The following TNFAIP6 variants were observed in gnomAD, a reference collection of about 807,000 sequenced individuals.
The protein encoded by TNFAIP6 is tumor necrosis factor-inducible gene 6 protein.
A neutral mutation model predicts 33.7 loss-of-function variants in TNFAIP6; 36 were observed. The observed-to-expected ratio is 1.07, with a 90% CI of 0.82 to 1.41. TNFAIP6 has a LOEUF of 1.41. TNFAIP6 is among the 40% of genes most tolerant of loss of function. The probability of loss-of-function intolerance (pLI) is 0.00; values close to 1 mark genes in which losing one functional copy is unlikely to be tolerated. For synonymous variants in TNFAIP6, 113 were observed against 112.8 expected, an observed-to-expected ratio of 1.00 and a Z score of -0.01; for missense variants, 273 against 331.9, an observed-to-expected ratio of 0.82 and a Z score of 1.38.
intron 3 of TNFAIP6, 146 bp from the exon 4 acceptor site, chr2:151,369,874 C>T (rs1252373427): frequency 3.5e-6 from 2 of 571,218 alleles, no homozygotes; most frequent in African/African-American, 1.9e-5. Flanking sequence ...TAGCTAAAAG[C>T]ATACATAATA....
Position 151,379,580 on chromosome 2 carries a change from C to A in TNFAIP6, c.*47C>A. ...AAACACACAGTGTTTATGTTGGAAT[C>A]TTTTGGAACTCCTTTGATCTCACTG... On this transcript the variant is annotated 3_prime_UTR_variant, in exon 6 of 6. Transcript: ENST00000243347. The A allele has an allele frequency of 7.6e-7, 1 of 1,318,010 alleles. No homozygotes were observed. The highest frequency in any genetic ancestry group is 1.0e-6 in the Non-Finnish European group (1 of 983,562). The allele number at this position is 1,318,010 out of a possible 1,614,324, so 81.6% of individuals were successfully genotyped here.
Position 151,379,734 on chromosome 2 carries a change from C to T in TNFAIP6, c.*201C>T. The T allele has an allele frequency of 2.8e-6, 1 of 362,874 alleles. No homozygotes were observed. 22.5% of individuals were successfully genotyped at this position (362,874 alleles called of 1,614,324 possible). On this transcript the variant is annotated 3_prime_UTR_variant, in exon 6 of 6. Coordinates refer to ENST00000243347, the MANE Select transcript of TNFAIP6 (RefSeq NM_007115.4). ...TCATAATCCCACTGCATAGAAATAACAAGCGTTAACATTTTCATATTTTTT... is the reference window on the plus strand; with the variant it reads ...TCATAATCCCACTGCATAGAAATAATAAGCGTTAACATTTTCATATTTTTT...
At chr2:151,376,865 C>CTTTTTTTTTTTTTTTTTTTTTTTTT (rs71403162) in intron 5 of TNFAIP6, among the ~76,000 whole-genome samples, 1 of 114,162 alleles carries the variant, frequency 8.8e-6, no homozygotes, top group Admixed American at 9.9e-5. Flanking sequence ...TTTTTCTTTT[C>CTTTTTTTTTTTTTTTTTTTTTTTTT]TTTTTTTTTT....
intron 1 of TNFAIP6, among the ~76,000 whole-genome samples, chr2:151,363,352 G>T (rs113089339): frequency 0.05 from 7,474 of 150,644 alleles, 254 homozygotes; most frequent in Middle Eastern, 0.12. Context: ...TTTATTTCAG[G>T]CTATCGATCA....
chr2:151,362,770 G>A (rs927086826), intron 1 of TNFAIP6, among the ~76,000 whole-genome samples: 2 of 152,104 alleles, frequency 1.3e-5, no homozygotes, highest in Non-Finnish European at 2.9e-5. Flanking sequence ...GATTATAGGC[G>A]TGAGCCACCA....
intron 5 of TNFAIP6, among the ~76,000 whole-genome samples, chr2:151,375,512 T>C (rs568153873): frequency 6.6e-6 from 1 of 152,176 alleles, no homozygotes; most frequent in African/African-American, 2.4e-5. Context: ...ATCGAGACCA[T>C]CCTGGCTAAC....
At chr2:151,370,443 CT>C (rs1224822465) in intron 4 of TNFAIP6, among the ~76,000 whole-genome samples, 195 bp downstream of exon 4, 5 of 150,128 alleles carry the variant, frequency 3.3e-5, no homozygotes, top group Non-Finnish European at 7.4e-5. Flanking sequence ...GTGAGAGTGC[CT>C]TTTGATTATG....
chr2:151,373,669 G>T, intron 5 of TNFAIP6, 80 bp downstream of exon 5: 1 of 643,176 alleles, frequency 1.6e-6, no homozygotes, highest in Non-Finnish European at 2.4e-6. Context: ...CTGTTAAATA[G>T]TAAATAGTAG....
chr2:151,374,803 G>A (rs1431484473), intron 5 of TNFAIP6, among the ~76,000 whole-genome samples: 1 of 152,094 alleles, frequency 6.6e-6, no homozygotes, highest in Non-Finnish European at 1.5e-5. Context: ...GTAGTTGGGG[G>A]ATGAGAATCC....
intron 5 of TNFAIP6, among the ~76,000 whole-genome samples, chr2:151,376,311 G>A (rs1171203918): frequency 1.3e-5 from 2 of 151,638 alleles, no homozygotes; most frequent in Non-Finnish European, 1.5e-5. Context: ...CCAGCTACTC[G>A]GGAGGCTGAG....
chr2:151,362,225 A>G (rs1052212132), intron 1 of TNFAIP6, among the ~76,000 whole-genome samples: 1 of 152,144 alleles, frequency 6.6e-6, no homozygotes, highest in South Asian at 2.1e-4. Flanking sequence ...AGGGACTCCA[A>G]ACTCAAAACA....
At chr2:151,370,584 A>G (rs1467842180) in intron 4 of TNFAIP6, among the ~76,000 whole-genome samples, 1 of 152,204 alleles carries the variant, frequency 6.6e-6, no homozygotes, top group Non-Finnish European at 1.5e-5. Flanking sequence ...TCTATTTTAT[A>G]AACACCTCAA....
Position 151,370,231 on chromosome 2 carries a change from C to A in TNFAIP6, c.606C>A (p.Val202=). 6.2e-7 allele frequency: 1 copy of A among 1,613,780 alleles called. No homozygotes were observed. The highest frequency in any genetic ancestry group is 1.7e-5 in the Admixed American group (1 of 60,000). Residue 202 remains valine, a synonymous_variant, in exon 4 of 6, where the codon GTC becomes GTA. Coordinates refer to ENST00000243347, the MANE Select transcript of TNFAIP6 (RefSeq NM_007115.4). ...AAATATATGACAGTTACGATGATGT[C>A]CATGGCTTTGTGGGAAGGTACGTAT... ...YVEIYDSYDD[V]HGFVGRYCGD... is the part of the protein sequence containing the mutation.
At chr2:151,374,643 T>C (rs1383611832) in intron 5 of TNFAIP6, among the ~76,000 whole-genome samples, 1 of 152,240 alleles carries the variant, frequency 6.6e-6, no homozygotes, top group Non-Finnish European at 1.5e-5. Context: ...TGATTAATGC[T>C]TAAACCTTGT....
intron 1 of TNFAIP6, among the ~76,000 whole-genome samples, chr2:151,362,060 C>T (rs1294449039): frequency 1.3e-5 from 2 of 152,114 alleles, no homozygotes; most frequent in African/African-American, 2.4e-5. Context: ...TATGTATGTC[C>T]TCACTGCAAA....
rs1558898879 is a variant in TNFAIP6, at chr2:151,366,212, C to T, written c.389C>T (p.Pro130Leu). ...AGATGGGATGCCTATTGCTACAACC[C>T]ACACGGTGTGTTAAAAATAATAATT... ...SERWDAYCYN[P>L]HAKECGGVFT... is the part of the protein sequence containing the mutation. Residue 130 changes from proline (P) to leucine (L), a missense_variant, in exon 3 of 6, where the codon CCA becomes CTA. Coordinates refer to ENST00000243347, the MANE Select transcript of TNFAIP6 (RefSeq NM_007115.4). 1 of 1,613,598 alleles carries T rather than the reference C, an allele frequency of 6.2e-7. No homozygotes were observed. Among genetic ancestry groups the T allele is most frequent in the Non-Finnish European group, 8.5e-7 (1 of 1,179,698 alleles).
chr2:151,374,985 C>A (rs1010822508), intron 5 of TNFAIP6, among the ~76,000 whole-genome samples: 4 of 151,954 alleles, frequency 2.6e-5, no homozygotes, highest in African/African-American at 9.7e-5. Context: ...ATTAGCCAGG[C>A]GTGGAGGCAC....
intron 5 of TNFAIP6, among the ~76,000 whole-genome samples, chr2:151,378,814 A>G (rs1412734467): frequency 6.6e-6 from 1 of 151,010 alleles, no homozygotes; most frequent in Non-Finnish European, 1.5e-5. Context: ...AATACAAGAG[A>G]GAGGCCAACT....
In TNFAIP6 at chr2:151,363,996, A is replaced by G. The variant is rs75961064; in HGVS notation, c.148A>G (p.Thr50Ala). The G allele has an allele frequency of 0.015, 24,668 of 1,614,052 alleles. 251 individuals carry two copies. The highest frequency in any genetic ancestry group is 0.017 in the Non-Finnish European group (19,615 of 1,179,970). ...AGCACGGTCTGGCAAATACAAGCTC[A>G]CCTACGCAGAAGCTAAGGCGGTGTG... is the stretch of plus-strand genomic sequence containing the variant. ...REARSGKYKL[T>A]YAEAKAVCEF... Residue 50 changes from threonine to alanine, a missense_variant, in exon 2 of 6, where the codon ACC (threonine) becomes GCC (alanine). Coordinates refer to ENST00000243347, the MANE Select transcript of TNFAIP6 (RefSeq NM_007115.4).
Sources: gnomAD v4.1 joint callset for allele counts (sites outside exome capture counted in the v4.1 genomes callset) on GRCh38, gnomAD v4.1.1 for gene constraint, MANE v1.5 for transcripts, NCBI Gene and HGNC (gene_info 2026-07-23, HGNC 2026-07-21) for gene names.